Variants in OSBPL8 observed in about 807,000 individuals in gnomAD.
OSBPL8 encodes oxysterol binding protein like 8.
In OSBPL8, 59 loss-of-function variants were observed where a neutral mutation model predicts 125.5. The ratio of observed to expected loss-of-function variants is 0.47; its 90% CI spans 0.38 to 0.58. OSBPL8 has a LOEUF of 0.58. Ranked by LOEUF, OSBPL8 falls within the 20% of genes least tolerant of loss-of-function variation. The pLI, the probability that OSBPL8 is intolerant of heterozygous loss-of-function variation, is 0.00. For synonymous variants in OSBPL8, 330 were observed against 338.9 expected (o/e 0.97, Z 0.29); for missense variants, 758 against 1,047.8 (o/e 0.72, Z 3.82).
At chr12:76,448,628 A>T (rs1267139840) in intron 4 of OSBPL8, among the ~76,000 whole-genome samples, 1 of 152,218 alleles carries the variant, frequency 6.6e-6, no homozygotes, top group African/African-American at 2.4e-5. Context: ...TATAGTAATT[A>T]TTTTCATCTT....
intron 2 of OSBPL8, among the ~76,000 whole-genome samples, chr12:76,474,713 GCTCAAGCAATCCTCCTGCCTCAGC>G (rs1876586207): frequency 6.6e-6 from 1 of 152,056 alleles, no homozygotes; most frequent in Admixed American, 6.5e-5. Context: ...GAACTCCCAG[GCTCAAGCAATCCTCCTGCCTCAGC>G]CTCCCAAAGT....
intron 21 of OSBPL8, among the ~76,000 whole-genome samples, chr12:76,365,233 C>T (rs866339041): frequency 6.6e-6 from 1 of 152,286 alleles, no homozygotes; most frequent in South Asian, 2.1e-4. Context: ...TGAGCCACTG[C>T]GCCTGGCCAA....
intron 4 of OSBPL8, among the ~76,000 whole-genome samples, chr12:76,421,291 C>T (rs962026263): frequency 2.6e-5 from 4 of 151,866 alleles, no homozygotes; most frequent in Non-Finnish European, 5.9e-5. Flanking sequence ...GAATGACAAA[C>T]GACTAAAATT....
At chr12:76,492,935 T>C (rs1263323410) in intron 1 of OSBPL8, among the ~76,000 whole-genome samples, 1 of 149,644 alleles carries the variant, frequency 6.7e-6, no homozygotes, top group Non-Finnish European at 1.5e-5. Flanking sequence ...TATATATAGA[T>C]ATTTTTTTTT....
rs1287256654 is a variant in OSBPL8, at chr12:76,369,705, A to G, written c.2172T>C (p.Asn724=). The stretch of plus-strand genomic sequence containing the variant: ...CAAATAATTTGCAAGACCACTCTTC[A>G]TTTTTTGTTTTCCGATCCCTGGCAG... ...RQAARDRKTK[N]EEWSCKLFEL... Residue 724 remains asparagine (N), a synonymous_variant, in exon 20 of 24, where the codon AAT becomes AAC. Coordinates refer to ENST00000261183, the MANE Select transcript of OSBPL8 (RefSeq NM_020841.5). 1 of 1,613,568 alleles carries G rather than the reference A, an allele frequency of 6.2e-7. No individual in the cohort carries two copies. The highest frequency in any genetic ancestry group is 8.5e-7 in the Non-Finnish European group (1 of 1,179,774).
At chr12:76,493,140 G>A (rs1176226149) in intron 1 of OSBPL8, among the ~76,000 whole-genome samples, 1 of 152,066 alleles carries the variant, frequency 6.6e-6, no homozygotes, top group Non-Finnish European at 1.5e-5. Flanking sequence ...CTGAGTCTTT[G>A]TTTTCTCATT....
At chr12:76,376,783 G>A (rs1952834082) in intron 16 of OSBPL8, among the ~76,000 whole-genome samples, 4 of 151,798 alleles carry the variant, frequency 2.6e-5, no homozygotes, top group South Asian at 2.1e-4. Context: ...TCAGCCCTCC[G>A]AGATTTCTCA....
intron 11 of OSBPL8, chr12:76,390,172 T>C (rs189829922): frequency 2.4e-5 from 11 of 454,470 alleles, no homozygotes. Context: ...TCAAGCAATA[T>C]CCTACTTCAA....
chr12:76,448,850 T>C (rs529777519), intron 4 of OSBPL8, among the ~76,000 whole-genome samples: 1 of 152,210 alleles, frequency 6.6e-6, no homozygotes, highest in Admixed American at 6.5e-5. Flanking sequence ...CCGTCTCTAC[T>C]AAAAACACAA....
chr12:76,363,106 C>T (rs1565824863), intron 21 of OSBPL8, among the ~76,000 whole-genome samples: 2 of 152,178 alleles, frequency 1.3e-5, no homozygotes, highest in South Asian at 2.1e-4. Flanking sequence ...GCCATACGGC[C>T]ATAAGTAATT....
intron 1 of OSBPL8, among the ~76,000 whole-genome samples, chr12:76,511,756 T>C (rs757795969): frequency 2.0e-5 from 3 of 152,240 alleles, no homozygotes; most frequent in Non-Finnish European, 4.4e-5. Flanking sequence ...ATTTTTGCTT[T>C]TGCTGCGATT....
At chr12:76,499,070 G>T (rs558841706) in intron 1 of OSBPL8, among the ~76,000 whole-genome samples, 4 of 152,192 alleles carry the variant, frequency 2.6e-5, no homozygotes, top group Admixed American at 6.5e-5. Context: ...CCTTAATCTG[G>T]TGGGCATAAT....
intron 3 of OSBPL8, among the ~76,000 whole-genome samples, chr12:76,451,715 C>CA (rs1240213025): frequency 6.6e-6 from 1 of 152,178 alleles, no homozygotes; most frequent in East Asian, 1.9e-4. Flanking sequence ...TGCCCAGTTT[C>CA]AGAGAGCAGA....
chr12:76,363,721 C>A (rs781073170), intron 21 of OSBPL8, among the ~76,000 whole-genome samples: 1 of 152,134 alleles, frequency 6.6e-6, no homozygotes, highest in Non-Finnish European at 1.5e-5. Context: ...AGTGAACAGG[C>A]AACCTACAGA....
At chr12:76,415,804 T>G (rs963895250) in intron 4 of OSBPL8, among the ~76,000 whole-genome samples, 1 of 152,206 alleles carries the variant, frequency 6.6e-6, no homozygotes, top group Non-Finnish European at 1.5e-5. Flanking sequence ...GTCTACTGAT[T>G]TGCAGTAACA....
intron 17 of OSBPL8, among the ~76,000 whole-genome samples, chr12:76,374,615 C>T (rs183711314): frequency 7.6e-4 from 115 of 152,206 alleles, no homozygotes; most frequent in African/African-American, 2.4e-3. Context: ...TATACAGGTG[C>T]TCAGATTAGC....
chr12:76,508,395 T>G (rs755787518), intron 1 of OSBPL8, among the ~76,000 whole-genome samples: 5 of 152,140 alleles, frequency 3.3e-5, no homozygotes, highest in Non-Finnish European at 7.3e-5. Flanking sequence ...CTCATTAAGA[T>G]TTACTATGAA....
At chr12:76,383,478 G>T (rs1424627930) in intron 15 of OSBPL8, among the ~76,000 whole-genome samples, 1 of 151,642 alleles carries the variant, frequency 6.6e-6, no homozygotes, top group Admixed American at 6.6e-5. Context: ...TACACACCAC[G>T]TTCCTGATCA....
intron 2 of OSBPL8, among the ~76,000 whole-genome samples, chr12:76,461,895 A>G (rs1874787204): frequency 6.6e-6 from 1 of 152,196 alleles, no homozygotes; most frequent in Non-Finnish European, 1.5e-5. Context: ...ATGCCACTTA[A>G]TTTTTAGATA....
Sources: gnomAD v4.1 joint callset for allele counts (sites outside exome capture counted in the v4.1 genomes callset) on GRCh38, gnomAD v4.1.1 for gene constraint, MANE v1.5 for transcripts, NCBI Gene and HGNC (gene_info 2026-07-23, HGNC 2026-07-21) for gene names.